SPATA13: variants seen among roughly 807,000 people sequenced by gnomAD.
SPATA13 encodes spermatogenesis-associated protein 13.
Under a neutral mutation model 104.0 loss-of-function variants are expected in SPATA13, and 50 were observed. The observed-to-expected ratio is 0.48, with a 90% CI of 0.38 to 0.61. SPATA13 has a LOEUF of 0.61. Ranked by LOEUF, SPATA13 falls within the 20% of genes least tolerant of loss-of-function variation. The pLI, the probability that SPATA13 is intolerant of heterozygous loss-of-function variation, is 0.00. For synonymous variants in SPATA13, 606 were observed against 667.5 expected (o/e 0.91, Z 1.42); for missense variants, 1,524 against 1,690.6 (o/e 0.90, Z 1.73).
In SPATA13 at chr13:24,249,771, A is replaced by G. The variant is rs1555272419; in HGVS notation, c.1948A>G (p.Ile650Val). ...CAAAGGAGCCCGGAGAAGGCGCCCC[A>G]TTTCCGTGATAGGTGGGGTCAGCTT... ...CPKGARRRRP[I>V]SVIGGVSLYG... Residue 650 changes from isoleucine to valine, a missense_variant, in exon 3 of 13, where the codon ATT becomes GTT. Coordinates refer to ENST00000382108, the MANE Select transcript of SPATA13 (RefSeq NM_001166271.3). The G allele has an allele frequency of 6.2e-7, 1 of 1,613,872 alleles. No homozygotes were observed. The highest frequency in any genetic ancestry group is 8.5e-7 in the Non-Finnish European group (1 of 1,180,010).
intron 3 of SPATA13, among the ~76,000 whole-genome samples, chr13:24,149,068 C>T (rs1882022089): frequency 6.6e-6 from 1 of 152,132 alleles, no homozygotes; most frequent in Non-Finnish European, 1.5e-5. Context: ...TTATTTGTGA[C>T]TAAGGAGGTA....
At chr13:24,240,237 T>C (rs1016472769) in intron 2 of SPATA13, among the ~76,000 whole-genome samples, 5 of 151,858 alleles carry the variant, frequency 3.3e-5, no homozygotes, top group Admixed American at 1.3e-4. Flanking sequence ...TGCAGCCTGA[T>C]GACAGAGTGA....
intron 3 of SPATA13, among the ~76,000 whole-genome samples, chr13:24,250,396 T>C (rs900895766): frequency 2.0e-5 from 3 of 152,168 alleles, no homozygotes; most frequent in Non-Finnish European, 4.4e-5. Context: ...ATTCAACAAA[T>C]ATTTATCCGG....
intron 4 of SPATA13, among the ~76,000 whole-genome samples, chr13:24,260,955 A>C (rs763960206): frequency 2.0e-5 from 3 of 152,136 alleles, no homozygotes; most frequent in Non-Finnish European, 4.4e-5. Flanking sequence ...TTTTTGGCTT[A>C]GGGCTTTTAG....
chr13:23,992,766 A>G lies in SPATA13; in HGVS notation c.-147+8833A>G, dbSNP rs1875474932. Among the ~76,000 whole-genome samples, 6 of 152,266 alleles carry G rather than the reference A, an allele frequency of 3.9e-5. No individual in the cohort carries two copies. In the South Asian group the frequency reaches 1.2e-3, roughly 32 times the overall value. On this transcript the variant is annotated intron_variant, in intron 2 of 14. Coordinates refer to the SPATA13 transcript ENST00000424834. ...AGCTTCCTGGCAAACTCACATCCATAGTTGGATGGAACTTGGGGACATGGC... is the reference window on the plus strand; with the variant it reads ...AGCTTCCTGGCAAACTCACATCCATGGTTGGATGGAACTTGGGGACATGGC...
intron 3 of SPATA13, among the ~76,000 whole-genome samples, chr13:24,057,246 C>G (rs1304138859): frequency 4.0e-5 from 6 of 150,920 alleles, no homozygotes; most frequent in Non-Finnish European, 5.9e-5. Context: ...CCCAACCCCA[C>G]AACAGTCCCC....
chr13:24,210,200 A>T, intron 1 of SPATA13, among the ~76,000 whole-genome samples: 1 of 152,004 alleles, frequency 6.6e-6, no homozygotes, highest in Non-Finnish European at 1.5e-5. Context: ...TTGTTATATG[A>T]CTTGCACATG....
intron 3 of SPATA13, among the ~76,000 whole-genome samples, chr13:24,138,390 G>A (rs1204834646): frequency 1.3e-5 from 2 of 151,990 alleles, no homozygotes; most frequent in Non-Finnish European, 1.5e-5. Context: ...ATTTCCTCCA[G>A]TAGGGGTTTA....
At chr13:24,045,333 A>T (rs1194785164) in intron 3 of SPATA13, among the ~76,000 whole-genome samples, 3 of 152,212 alleles carry the variant, frequency 2.0e-5, no homozygotes, top group African/African-American at 7.2e-5. Context: ...ATGAGGTTTT[A>T]AAAAGGTCTG....
At chr13:24,149,501 C>G (rs888986262) in intron 3 of SPATA13, among the ~76,000 whole-genome samples, 1 of 152,206 alleles carries the variant, frequency 6.6e-6, no homozygotes, top group South Asian at 2.1e-4. Context: ...CAAGGGTGGA[C>G]TCTGAAGAGA....
At chr13:23,998,387 C>G (rs1323823523) in intron 2 of SPATA13, among the ~76,000 whole-genome samples, 2 of 152,146 alleles carry the variant, frequency 1.3e-5, no homozygotes, top group Non-Finnish European at 2.9e-5. Flanking sequence ...CATGAAATGT[C>G]TATCCAAATC....
At chr13:24,069,785 C>T (rs759257159) in intron 3 of SPATA13, among the ~76,000 whole-genome samples, 1 of 152,168 alleles carries the variant, frequency 6.6e-6, no homozygotes, top group South Asian at 2.1e-4. Context: ...TGTAATATTA[C>T]CAGTTCAATA....
chr13:24,223,393 G>T lies in SPATA13; in HGVS notation c.464G>T (p.Gly155Val), dbSNP rs1196885235. ...TCCATCCCAAATGGCGCTGTCCCAGGAGCCCAGGCAAGCAGGGGCTCCCCC... is the reference window on the plus strand; with the variant it reads ...TCCATCCCAAATGGCGCTGTCCCAGTAGCCCAGGCAAGCAGGGGCTCCCCC... ...GKSIPNGAVP[G>V]AQASRGSPLA... The change falls in exon 2 of 13, where the codon GGA becomes GTA. Residue 155 changes from glycine to valine, a missense_variant. Transcript: ENST00000382108. 4.5e-6 allele frequency: 7 copies of T among 1,551,346 alleles called. No individual in the cohort carries two copies. The Middle Eastern group carries it at 5.0e-4, about 111-fold the overall frequency.
In SPATA13 at chr13:24,275,647, T is replaced by C. The variant is rs1016330912; in HGVS notation, c.2165-8488T>C. ...TACAAGATCGTTTCCAAAAATGGCT[T>C]TTTGGGCAAGGTGCAGTGGCTCACG... On this transcript the variant is annotated intron_variant, in intron 4 of 12. Transcript: ENST00000382108. 5.3e-5 allele frequency among the ~76,000 whole-genome samples: 8 copies of C among 152,312 alleles called. No individual in the cohort carries two copies. In the South Asian group the frequency reaches 1.0e-3, roughly 20 times the overall value.
At chr13:23,989,088 G>C (rs1401089446) in intron 2 of SPATA13, among the ~76,000 whole-genome samples, 1 of 152,154 alleles carries the variant, frequency 6.6e-6, no homozygotes, top group Non-Finnish European at 1.5e-5. Flanking sequence ...ATCTTTGTGA[G>C]AAAGTTATAA....
intron 2 of SPATA13, among the ~76,000 whole-genome samples, chr13:24,240,806 C>T (rs907733047): frequency 1.6e-4 from 25 of 152,152 alleles, no homozygotes; most frequent in East Asian, 5.8e-4. Context: ...CTGTGTTTTT[C>T]GCATCTTTTA....
intron 4 of SPATA13, among the ~76,000 whole-genome samples, chr13:24,255,343 T>C (rs1873734907): frequency 6.6e-6 from 1 of 152,080 alleles, no homozygotes; most frequent in Admixed American, 6.6e-5. Flanking sequence ...TCCCTTGTCT[T>C]CTCTGTCATG....
chr13:24,030,068 AC>A (rs1877413062), intron 3 of SPATA13, among the ~76,000 whole-genome samples: 1 of 122,638 alleles, frequency 8.2e-6, no homozygotes, highest in Non-Finnish European at 1.8e-5. Flanking sequence ...ACACACACGC[AC>A]ACACACACAC....
intron 3 of SPATA13, among the ~76,000 whole-genome samples, chr13:24,021,387 G>A (rs1385868209): frequency 6.6e-6 from 1 of 152,208 alleles, no homozygotes; most frequent in African/African-American, 2.4e-5. Context: ...CAGCTACTTT[G>A]GAAGCTGAGT....
Sources: gnomAD v4.1 joint callset for allele counts (sites outside exome capture counted in the v4.1 genomes callset) on GRCh38, gnomAD v4.1.1 for gene constraint, MANE v1.5 for transcripts, NCBI Gene and HGNC (gene_info 2026-07-23, HGNC 2026-07-21) for gene names.